AKR1C3: variants seen among roughly 807,000 people sequenced by gnomAD.
AKR1C3 encodes aldo-keto reductase family 1 member C3.
In AKR1C3, 48 loss-of-function variants were observed where a neutral mutation model predicts 43.6. The ratio of observed to expected loss-of-function variants is 1.10; its 90% CI spans 0.87 to 1.40. The LOEUF (loss-of-function observed/expected upper bound fraction) is 1.40, where lower values mean the gene tolerates loss of function less well. AKR1C3 is among the 40% of genes most tolerant of loss of function. The pLI is 0.00. For missense variants in AKR1C3, 482 were observed against 391.2 expected, an observed-to-expected ratio of 1.23 and a Z score of -1.96; for synonymous variants, 162 against 139.6, an observed-to-expected ratio of 1.16 and a Z score of -1.13.
intron 5 of AKR1C3, among the ~76,000 whole-genome samples, chr10:5,101,037 A>AT (rs1554785892): frequency 6.6e-6 from 1 of 152,216 alleles, no homozygotes; most frequent in Non-Finnish European, 1.5e-5. Flanking sequence ...CAGTATAATT[A>AT]TTGTATCTAA....
At chr10:5,057,634 T>C (rs1554779758) in intron 1 of AKR1C3, among the ~76,000 whole-genome samples, 1 of 152,208 alleles carries the variant, frequency 6.6e-6, no homozygotes, top group Non-Finnish European at 1.5e-5. Flanking sequence ...ATGTGCTTTT[T>C]TCTAATTCTC....
chr10:5,102,359 A>G, intron 6 of AKR1C3, 126 bp from the exon 7 acceptor site: 2 of 1,592,548 alleles, frequency 1.3e-6, no homozygotes, highest in Admixed American at 3.5e-5. Context: ...GATGATGCTG[A>G]TGGTGATGCT....
rs111758286 is a variant in AKR1C3 at position 5,077,118 on chromosome 10, G to C, written c.85-19292G>C. Among the ~76,000 whole-genome samples, 502 of 151,998 alleles carry C rather than the reference G, an allele frequency of 3.3e-3. 7 individuals carry two copies. Among genetic ancestry groups the C allele is most frequent in the South Asian group, 0.015 (74 of 4,802 alleles). ...TTTTTTTTCACTAAAGAACATTCGT[G>C]GTGGTTTAGTGATGAGGTTAATATT... On this transcript the variant is annotated intron_variant, in intron 1 of 8. Coordinates refer to the AKR1C3 transcript ENST00000439082.
chr10:5,076,000 G>A (rs1177093818), intron 1 of AKR1C3, among the ~76,000 whole-genome samples: 2 of 152,144 alleles, frequency 1.3e-5, no homozygotes, highest in Non-Finnish European at 2.9e-5. Context: ...TGGTTTCTGA[G>A]CTATTCAAAT....
At chr10:5,096,680 T>C in intron 2 of AKR1C3, 103 bp downstream of exon 2, 1 of 1,466,116 alleles carries the variant, frequency 6.8e-7, no homozygotes, top group African/African-American at 1.4e-5. Context: ...ATTTTGCTTC[T>C]GGGTTCAAAT....
chr10:5,057,678 T>A (rs1838291096), intron 1 of AKR1C3, among the ~76,000 whole-genome samples: 1 of 152,178 alleles, frequency 6.6e-6, no homozygotes, highest in Non-Finnish European at 1.5e-5. Context: ...CAACAGATGT[T>A]TACGACTCCA....
At chr10:5,060,835 G>A (rs1037386365) in intron 1 of AKR1C3, among the ~76,000 whole-genome samples, 16 of 152,232 alleles carry the variant, frequency 1.1e-4, no homozygotes, top group East Asian at 1.9e-4. Flanking sequence ...TGCCCTGTGG[G>A]GAGACAGCTA....
At chr10:5,070,169 A>G (rs575460714) in intron 1 of AKR1C3, among the ~76,000 whole-genome samples, 1 of 152,346 alleles carries the variant, frequency 6.6e-6, no homozygotes, top group South Asian at 2.1e-4. Context: ...GGCACTGCCC[A>G]CCAAGGAGAG....
At chr10:5,052,285 C>T (rs1379073667) in intron 1 of AKR1C3, among the ~76,000 whole-genome samples, 3 of 152,154 alleles carry the variant, frequency 2.0e-5, no homozygotes, top group African/African-American at 4.8e-5. Flanking sequence ...TGTTACAGCT[C>T]ATAAAGGCAG....
intron 7 of AKR1C3, among the ~76,000 whole-genome samples, chr10:5,104,262 T>A (rs1381825839): frequency 1.3e-5 from 2 of 152,166 alleles, no homozygotes; most frequent in African/African-American, 4.8e-5. Context: ...TAAATTCAAA[T>A]GAATTTCTTT....
In AKR1C3 at chr10:5,053,454, G is replaced by A. The variant is rs560379498; in HGVS notation, c.84+4559G>A. ...CTCGTGCTGGCCCACAAGGCCATGC[G>A]CAGCCCCAGTTCCCACCCATGCCTC... is the stretch of plus-strand genomic sequence containing the variant. On this transcript the variant is annotated intron_variant, in intron 1 of 8. Coordinates refer to the AKR1C3 transcript ENST00000439082. 2.5e-3 allele frequency among the ~76,000 whole-genome samples: 376 copies of A among 152,344 alleles called. 3 individuals carry two copies. The highest frequency in any genetic ancestry group is 4.1e-3 in the Non-Finnish European group (277 of 68,036).
At chr10:5,072,128 A>T (rs545574616) in intron 1 of AKR1C3, among the ~76,000 whole-genome samples, 1 of 152,188 alleles carries the variant, frequency 6.6e-6, no homozygotes, top group Non-Finnish European at 1.5e-5. Flanking sequence ...TGTGACACTT[A>T]TCTCTGGGTT....
intron 1 of AKR1C3, among the ~76,000 whole-genome samples, chr10:5,074,555 T>C (rs782086804): frequency 1.3e-5 from 2 of 152,156 alleles, no homozygotes; most frequent in African/African-American, 2.4e-5. Flanking sequence ...ACATTTTCCA[T>C]CTCTTCTCTT....
chr10:5,101,661 A>AT (rs1176037626), intron 5 of AKR1C3, among the ~76,000 whole-genome samples: 2 of 152,072 alleles, frequency 1.3e-5, no homozygotes, highest in South Asian at 2.1e-4. Context: ...CAATGGGTAG[A>AT]TTTTTTTCTT....
At chr10:5,081,156 A>G (rs533448071) in intron 1 of AKR1C3, among the ~76,000 whole-genome samples, 3 of 152,334 alleles carry the variant, frequency 2.0e-5, no homozygotes, top group Middle Eastern at 3.4e-3. Context: ...ACTTCTTCAC[A>G]TTACAGAAGT....
At chr10:5,056,021 G>T (rs548326836) in intron 1 of AKR1C3, among the ~76,000 whole-genome samples, 1 of 152,134 alleles carries the variant, frequency 6.6e-6, no homozygotes, top group South Asian at 2.1e-4. Flanking sequence ...AGCAAAGCTG[G>T]GCCTTCAACC....
intron 1 of AKR1C3, among the ~76,000 whole-genome samples, chr10:5,083,771 A>T (rs1838890428): frequency 1.3e-5 from 2 of 152,210 alleles, no homozygotes; most frequent in East Asian, 1.9e-4. Context: ...ATCACCATTC[A>T]AACTGGTGTG....
At chr10:5,077,637 G>C in intron 1 of AKR1C3, 8 of 1,050,938 alleles carry the variant, frequency 7.6e-6, no homozygotes, top group Non-Finnish European at 9.2e-6. Context: ...AAGGAGTTTG[G>C]TTTTTGCTGA....
At chr10:5,097,683 C>T in intron 3 of AKR1C3, 133 bp downstream of exon 3, 5 of 1,537,758 alleles carry the variant, frequency 3.3e-6, no homozygotes, top group Non-Finnish European at 4.4e-6. Flanking sequence ...GTAAGTGGAA[C>T]ACCTAATTTC....
Sources: gnomAD v4.1 joint callset for allele counts (sites outside exome capture counted in the v4.1 genomes callset) on GRCh38, gnomAD v4.1.1 for gene constraint, MANE v1.5 for transcripts, NCBI Gene and HGNC (gene_info 2026-07-23, HGNC 2026-07-21) for gene names.